The following CCT8 variants were observed in gnomAD, a reference collection of about 807,000 sequenced individuals.
CCT8 encodes T-complex protein 1 subunit theta.
A neutral mutation model predicts 65.7 loss-of-function variants in CCT8; 10 were observed. The observed-to-expected ratio is 0.15, with a 90% CI of 0.09 to 0.26. The LOEUF is 0.26. Ranked by LOEUF, CCT8 falls within the 10% of genes least tolerant of loss-of-function variation. The probability of loss-of-function intolerance (pLI) is 1.00; values close to 1 mark genes in which losing one functional copy is unlikely to be tolerated. For missense variants in CCT8, 568 were observed against 669.1 expected (o/e 0.85, Z 1.67); for synonymous variants, 199 against 221.8 (o/e 0.90, Z 0.92).
chr21:29,064,409 T>TAAAAAAAAAAAAAAAAAA (rs34760776), intron 7 of CCT8, among the ~76,000 whole-genome samples: 16 of 26,720 alleles, frequency 6.0e-4, no homozygotes, highest in South Asian at 2.1e-3. Context: ...AGCAAGACTC[T>TAAAAAAAAAAAAAAAAAA]AAAAAAAAAA....
chr21:29,057,171 T>C (rs2085507352), intron 14 of CCT8, among the ~76,000 whole-genome samples: 1 of 150,746 alleles, frequency 6.6e-6, no homozygotes, highest in Admixed American at 6.6e-5. Flanking sequence ...TTTAGCTTTT[T>C]TTTTTTTTTT....
At chr21:29,069,947 A>G (rs1346355092) in intron 2 of CCT8, among the ~76,000 whole-genome samples, 1 of 152,320 alleles carries the variant, frequency 6.6e-6, no homozygotes, top group East Asian at 1.9e-4. Flanking sequence ...TCCTTAAACT[A>G]TGTCACTTTT....
chr21:29,069,377 T>C (rs1173182047), intron 3 of CCT8, 46 bp downstream of exon 3: 16 of 1,109,160 alleles, frequency 1.4e-5, no homozygotes, highest in African/African-American at 1.1e-4. Flanking sequence ...CTACTTAATT[T>C]TGATGTCACC....
chr21:29,060,824 C>T (rs1287446376), intron 13 of CCT8, among the ~76,000 whole-genome samples, 164 bp from the exon 14 acceptor site: 1 of 152,178 alleles, frequency 6.6e-6, no homozygotes, highest in Non-Finnish European at 1.5e-5. Context: ...GTTCTAGCAC[C>T]TCCAAGGATG....
chr21:29,057,808 A>ATGTG (rs1568907921), intron 14 of CCT8, among the ~76,000 whole-genome samples: 4 of 149,846 alleles, frequency 2.7e-5, no homozygotes, highest in African/African-American at 4.9e-5. Context: ...ATACATATGT[A>ATGTG]TGATATATAC....
At position 29,056,558 on chromosome 21, in the gene CCT8, T is replaced by TA; in HGVS notation, c.1570-7dup. ...GCTGGTTTTGCCATGATGATCTGCA[T>TA]AAAAAAGAATCACACAAGAGTATGC... On this transcript the variant is annotated splice_polypyrimidine_tract_variant and splice_region_variant and intron_variant, in intron 14 of 14. Transcript: ENST00000286788. 2 of 1,541,780 alleles carry TA rather than the reference T, an allele frequency of 1.3e-6. No individual in the cohort carries two copies. The highest frequency in any genetic ancestry group is 1.8e-6 in the Non-Finnish European group (2 of 1,142,578).
chr21:29,061,757 A>C (rs1455533947), intron 11 of CCT8, among the ~76,000 whole-genome samples, 190 bp from the exon 12 acceptor site: 1 of 152,244 alleles, frequency 6.6e-6, no homozygotes, highest in African/African-American at 2.4e-5. Context: ...CTTAGTGCAC[A>C]GTGTCTGGTG....
intron 7 of CCT8, among the ~76,000 whole-genome samples, chr21:29,064,409 T>TAAAAAAAAAA (rs34760776): frequency 7.5e-4 from 20 of 26,708 alleles, no homozygotes; most frequent in South Asian, 2.1e-3. Context: ...AGCAAGACTC[T>TAAAAAAAAAA]AAAAAAAAAA....
intron 3 of CCT8, 87 bp from the exon 4 acceptor site, chr21:29,067,792 T>C: frequency 2.0e-6 from 2 of 1,000,720 alleles, no homozygotes; most frequent in Non-Finnish European, 2.7e-6. Context: ...TAGACTCAAT[T>C]TTCTTGTAGA....
intron 14 of CCT8, 85 bp downstream of exon 14, chr21:29,060,456 A>C: frequency 7.4e-7 from 1 of 1,355,408 alleles, no homozygotes; most frequent in Admixed American, 1.9e-5. Context: ...AATTAGAACT[A>C]TGCTATGTTC....
At position 29,066,905 on chromosome 21, in the gene CCT8, A is replaced by G. The variant is rs751263534; in HGVS notation, c.548T>C (p.Ile183Thr). Residue 183 changes from isoleucine (I) to threonine (T), a missense_variant, in exon 5 of 15, where the codon ATT (isoleucine) becomes ACT (threonine). Physicochemically the swap from Ile to Thr is moderately conservative, Grantham distance 89. Coordinates refer to ENST00000286788, the MANE Select transcript of CCT8 (RefSeq NM_006585.4). The stretch of plus-strand genomic sequence containing the variant: ...TATTTACTTACCGCATGCCTGAGCA[A>G]TAAGCTTGGCCAGAAATACTTCATT... ...YGNEVFLAKL[I>T]AQACVSIFPD... The G allele has an allele frequency of 1.9e-5, 31 of 1,606,432 alleles. No homozygotes were observed. The highest frequency in any genetic ancestry group is 2.6e-5 in the Non-Finnish European group (31 of 1,174,818).
chr21:29,065,213 A>G (rs2085608497), intron 6 of CCT8, 108 bp from the exon 7 acceptor site: 5 of 1,173,530 alleles, frequency 4.3e-6, no homozygotes, highest in Admixed American at 2.0e-5. Context: ...ATAAAGTCAT[A>G]AACCAAGGCA....
chr21:29,060,484 A>C lies in CCT8; in HGVS notation c.1569+57T>G. ...CTATGTTCTAGTTCTGGGAAAATAT[A>C]CTATTAAACAGTATGCAAATGAGTA... On this transcript the variant is annotated intron_variant, in intron 14 of 14. Coordinates refer to ENST00000286788, the MANE Select transcript of CCT8 (RefSeq NM_006585.4). 8 of 1,546,278 alleles carry C rather than the reference A, an allele frequency of 5.2e-6. 1 individual carries two copies. The highest frequency in any genetic ancestry group is 6.2e-6 in the Non-Finnish European group (7 of 1,126,128).
intron 14 of CCT8, 38 bp downstream of exon 14, chr21:29,060,503 A>T: frequency 1.2e-6 from 2 of 1,602,384 alleles, no homozygotes; most frequent in Non-Finnish European, 8.5e-7. Context: ...CAGTATGCAA[A>T]TGAGTATTTT....
In CCT8 at chr21:29,065,079, T is replaced by C; in HGVS notation, c.651A>G (p.Val217=). ...ILGSGISSSS[V]LHGMVFKKET... Reference sequence around the variant, plus strand: ...CCTTCTTAAAAACCATGCCATGCAATACTGAAGAGGAACTGATACCAGAGC... The same window carrying C: ...CCTTCTTAAAAACCATGCCATGCAACACTGAAGAGGAACTGATACCAGAGC... Residue 217 remains valine, a synonymous_variant, in exon 7 of 15, where the codon GTA becomes GTG. Coordinates refer to ENST00000286788, the MANE Select transcript of CCT8 (RefSeq NM_006585.4). 1.2e-6 allele frequency: 2 copies of C among 1,614,058 alleles called. No individual in the cohort carries two copies. The highest frequency in any genetic ancestry group is 1.7e-6 in the Non-Finnish European group (2 of 1,179,962).
intron 8 of CCT8, 35 bp from the exon 9 acceptor site, chr21:29,062,591 A>G: frequency 6.4e-7 from 1 of 1,551,408 alleles, no homozygotes. Flanking sequence ...TAAAAGTTTT[A>G]ATCAATTTCA....
intron 7 of CCT8, 90 bp from the exon 8 acceptor site, chr21:29,063,620 GTTTGGC>G: frequency 7.8e-7 from 1 of 1,283,128 alleles, no homozygotes; most frequent in Non-Finnish European, 1.1e-6. Flanking sequence ...AGAAATAAAG[GTTTGGC>G]AAAAAAATAT....
chr21:29,071,559 GT>G (rs921399605), intron 1 of CCT8, among the ~76,000 whole-genome samples: 7 of 151,488 alleles, frequency 4.6e-5, no homozygotes, highest in South Asian at 4.2e-4. Context: ...CACCAGGTTG[GT>G]TTTTTTTGTA....
chr21:29,071,847 C>T (rs2085683620), intron 1 of CCT8: 14 of 676,780 alleles, frequency 2.1e-5, no homozygotes, highest in Admixed American at 2.2e-5. Context: ...TACTTAAGAC[C>T]CTTCAATGGT....
Sources: allele counts gnomAD v4.1 joint callset (sites outside exome capture counted in the v4.1 genomes callset), GRCh38; gene constraint gnomAD v4.1.1; transcripts MANE v1.5; gene names NCBI Gene and HGNC (gene_info 2026-07-23, HGNC 2026-07-21).